The following CMTM8 variants were observed in gnomAD, a reference collection of about 807,000 sequenced individuals.
CMTM8 encodes the protein CKLF-like MARVEL transmembrane domain-containing protein 8.
CMTM8 carries 12 observed loss-of-function variants against 18.6 expected under a neutral mutation model. That is an observed-to-expected ratio of 0.65 (90% CI 0.41 to 1.05). The LOEUF (loss-of-function observed/expected upper bound fraction) is 1.05, where lower values mean the gene tolerates loss of function less well. Ranked by LOEUF, CMTM8 falls within the 50% of genes least tolerant of loss-of-function variation. The probability of loss-of-function intolerance (pLI) is 0.00; values close to 1 mark genes in which losing one functional copy is unlikely to be tolerated. For synonymous variants in CMTM8, 87 were observed against 90.6 expected (o/e 0.96, Z 0.23); for missense variants, 217 against 227.2 (o/e 0.95, Z 0.29).
At chr3:32,261,212 TG>T (rs1386419201) in intron 1 of CMTM8, among the ~76,000 whole-genome samples, 1 of 151,922 alleles carries the variant, frequency 6.6e-6, no homozygotes, top group Non-Finnish European at 1.5e-5. Context: ...CAAAATGCTA[TG>T]AGTTTTACAA....
intron 1 of CMTM8, among the ~76,000 whole-genome samples, chr3:32,250,175 T>G (rs970813838): frequency 1.3e-5 from 2 of 152,244 alleles, no homozygotes; most frequent in African/African-American, 4.8e-5. Flanking sequence ...GAAAATCAAA[T>G]GATCATAAAT....
At chr3:32,356,603 C>T (rs1369227170) in intron 1 of CMTM8, among the ~76,000 whole-genome samples, 2 of 152,180 alleles carry the variant, frequency 1.3e-5, no homozygotes, top group Non-Finnish European at 2.9e-5. Flanking sequence ...TGGACTGGGC[C>T]GCTGTTCATT....
chr3:32,317,409 T>C (rs1313540791), intron 1 of CMTM8, among the ~76,000 whole-genome samples: 1 of 152,214 alleles, frequency 6.6e-6, no homozygotes, highest in African/African-American at 2.4e-5. Context: ...AAATAAACAT[T>C]AATGTTGGAA....
At chr3:32,292,393 C>T (rs893420263) in intron 1 of CMTM8, among the ~76,000 whole-genome samples, 14 of 152,332 alleles carry the variant, frequency 9.2e-5, no homozygotes, top group African/African-American at 2.6e-4. Flanking sequence ...GAGTCTTGAT[C>T]TGAAGCCTCT....
intron 1 of CMTM8, among the ~76,000 whole-genome samples, chr3:32,356,134 T>A (rs1696810460): frequency 6.6e-6 from 1 of 152,226 alleles, no homozygotes; most frequent in Non-Finnish European, 1.5e-5. Context: ...ATATTGTAGG[T>A]GCTCCCGTGT....
At chr3:32,298,317 C>G (rs573712851) in intron 1 of CMTM8, among the ~76,000 whole-genome samples, 5 of 152,198 alleles carry the variant, frequency 3.3e-5, no homozygotes, top group African/African-American at 9.6e-5. Context: ...AGCAATCCAC[C>G]CGCATTGGCC....
chr3:32,268,196 A>C (rs996130069), intron 1 of CMTM8, among the ~76,000 whole-genome samples: 9 of 152,200 alleles, frequency 5.9e-5, no homozygotes, highest in Non-Finnish European at 1.0e-4. Flanking sequence ...AACCAAGCCA[A>C]ATGTCCAACA....
chr3:32,240,045 C>G (rs913934160), intron 1 of CMTM8, among the ~76,000 whole-genome samples: 1 of 152,252 alleles, frequency 6.6e-6, no homozygotes, highest in Non-Finnish European at 1.5e-5. Context: ...GCTGCCCCAG[C>G]AGTGCCCCTC....
intron 1 of CMTM8, among the ~76,000 whole-genome samples, chr3:32,309,852 G>A (rs964844976): frequency 6.6e-6 from 1 of 152,152 alleles, no homozygotes; most frequent in African/African-American, 2.4e-5. Flanking sequence ...CTTTATGCAG[G>A]GAGGCCCTCT....
chr3:32,366,495 T>C (rs996651874), intron 2 of CMTM8, among the ~76,000 whole-genome samples: 1 of 152,202 alleles, frequency 6.6e-6, no homozygotes, highest in African/African-American at 2.4e-5. Flanking sequence ...ATTCATTCTT[T>C]CCTTGTATAA....
At chr3:32,337,553 G>T (rs1284961214) in intron 1 of CMTM8, among the ~76,000 whole-genome samples, 1 of 152,280 alleles carries the variant, frequency 6.6e-6, no homozygotes, top group Admixed American at 6.5e-5. Flanking sequence ...GTCCTGAGAA[G>T]ATCTTGGATT....
intron 1 of CMTM8, among the ~76,000 whole-genome samples, chr3:32,296,934 T>C (rs1431228069): frequency 1.3e-5 from 2 of 152,124 alleles, no homozygotes; most frequent in African/African-American, 2.4e-5. Context: ...CACATTTTCG[T>C]TATTGTAAAT....
chr3:32,321,523 T>G (rs1696054081), intron 1 of CMTM8, among the ~76,000 whole-genome samples: 1 of 152,032 alleles, frequency 6.6e-6, no homozygotes, highest in Non-Finnish European at 1.5e-5. Flanking sequence ...TGAAGGGAAA[T>G]TGCAACCACA....
intron 2 of CMTM8, among the ~76,000 whole-genome samples, chr3:32,359,460 C>T (rs1412691381): frequency 6.6e-6 from 1 of 152,158 alleles, no homozygotes; most frequent in Non-Finnish European, 1.5e-5. Flanking sequence ...CGTAGTGGCA[C>T]ATGCCTGTAA....
chr3:32,278,146 A>G (rs548715850), intron 1 of CMTM8, among the ~76,000 whole-genome samples: 2 of 152,280 alleles, frequency 1.3e-5, no homozygotes, highest in South Asian at 4.1e-4. Context: ...AGTAGGATGG[A>G]GAAGTAGAGG....
At chr3:32,257,132 A>G (rs1008050852) in intron 1 of CMTM8, among the ~76,000 whole-genome samples, 1 of 152,160 alleles carries the variant, frequency 6.6e-6, no homozygotes, top group African/African-American at 2.4e-5. Context: ...CATGGCCACT[A>G]TGCCCGGCTA....
At chr3:32,251,155 A>G (rs1006019249) in intron 1 of CMTM8, among the ~76,000 whole-genome samples, 3 of 152,188 alleles carry the variant, frequency 2.0e-5, no homozygotes, top group Admixed American at 6.5e-5. Flanking sequence ...ATAAAAACCA[A>G]TTTGGCATGG....
intron 1 of CMTM8, 95 bp from the exon 2 acceptor site, chr3:32,357,278 C>G: frequency 2.1e-6 from 2 of 937,442 alleles, no homozygotes; most frequent in South Asian, 3.3e-5. Context: ...AATTGACATT[C>G]TGTATAATTA....
intron 1 of CMTM8, among the ~76,000 whole-genome samples, chr3:32,282,938 A>G (rs559796102): frequency 6.6e-4 from 101 of 152,296 alleles, no homozygotes; most frequent in Middle Eastern, 6.8e-3. Context: ...ATTCTGTGTA[A>G]TAAGTTAACC....
Sources: allele counts gnomAD v4.1 joint callset (sites outside exome capture counted in the v4.1 genomes callset), GRCh38; gene constraint gnomAD v4.1.1; transcripts MANE v1.5; gene names NCBI Gene and HGNC (gene_info 2026-07-23, HGNC 2026-07-21).